The following METAP1 variants were observed in gnomAD, a reference collection of about 807,000 sequenced individuals.
METAP1 encodes methionyl aminopeptidase 1.
Under a neutral mutation model 53.8 loss-of-function variants are expected in METAP1, and 28 were observed. That is an observed-to-expected ratio of 0.52 (90% confidence interval 0.39 to 0.71). The LOEUF is 0.71. Among genes scored for constraint, METAP1 ranks in the 30% least tolerant of loss-of-function variants. The pLI is 0.00. For synonymous variants in METAP1, 181 were observed against 165.7 expected (o/e 1.09, Z -0.71); for missense variants, 389 against 479.8 (o/e 0.81, Z 1.77).
intron 1 of METAP1, among the ~76,000 whole-genome samples, chr4:99,001,280 G>A (rs1177896850): frequency 6.6e-6 from 1 of 152,178 alleles, no homozygotes; most frequent in African/African-American, 2.4e-5. Flanking sequence ...AGGTACAAAT[G>A]CCATAGCTTC....
intron 1 of METAP1, among the ~76,000 whole-genome samples, chr4:99,024,749 G>T (rs1724432524): frequency 6.6e-6 from 1 of 152,216 alleles, no homozygotes; most frequent in African/African-American, 2.4e-5. Context: ...TGGCTAATTT[G>T]TTAGTCCCAC....
intron 1 of METAP1, among the ~76,000 whole-genome samples, chr4:98,999,352 G>T (rs986125809): frequency 6.6e-6 from 1 of 151,470 alleles, no homozygotes; most frequent in African/African-American, 2.4e-5. Context: ...TTTAAAATGG[G>T]GCTATTAATA....
At chr4:99,004,571 T>A (rs1377703261) in intron 1 of METAP1, among the ~76,000 whole-genome samples, 1 of 152,032 alleles carries the variant, frequency 6.6e-6, no homozygotes, top group East Asian at 1.9e-4. Flanking sequence ...TAAATGCCTA[T>A]ATACCTACCA....
chr4:99,022,435 T>G, intron 1 of METAP1: 1 of 636,516 alleles, frequency 1.6e-6, no homozygotes, highest in Non-Finnish European at 2.7e-6. Context: ...GTGAGCCCAT[T>G]CACACCCTAC....
chr4:99,041,841 A>G (rs979303159), intron 6 of METAP1, among the ~76,000 whole-genome samples: 1 of 150,820 alleles, frequency 6.6e-6, no homozygotes, highest in Non-Finnish European at 1.5e-5. Flanking sequence ...TTTTGGAAGG[A>G]TTTGACAATC....
chr4:99,007,787 T>C (rs1239733342), intron 1 of METAP1, among the ~76,000 whole-genome samples: 1 of 152,250 alleles, frequency 6.6e-6, no homozygotes, highest in African/African-American at 2.4e-5. Context: ...TTCTATATCC[T>C]TTTGAGTCTC....
intron 1 of METAP1, chr4:99,022,295 G>A: frequency 1.5e-6 from 1 of 665,254 alleles, no homozygotes; most frequent in Non-Finnish European, 2.2e-6. Context: ...GGAGATGGAA[G>A]GGGCCTCCCT....
chr4:99,029,955 G>T, intron 2 of METAP1, among the ~76,000 whole-genome samples: 1 of 152,166 alleles, frequency 6.6e-6, no homozygotes, highest in East Asian at 1.9e-4. Context: ...GAAAAATGAT[G>T]TGACTCAGTG....
intron 2 of METAP1, among the ~76,000 whole-genome samples, chr4:99,032,159 C>T (rs1451575824): frequency 6.6e-6 from 1 of 151,546 alleles, no homozygotes; most frequent in East Asian, 1.9e-4. Flanking sequence ...CCATATTCAA[C>T]TTTAGTTGTC....
In METAP1 at chr4:99,028,199, A is replaced by G. The variant is rs572872765; in HGVS notation, c.115-668A>G. On this transcript the variant is annotated intron_variant, in intron 1 of 10. Transcript: ENST00000296411. ...TACTTGAGTTCCTTACTTGAATTCA[A>G]TTAATTACTTGAATTCATTTTCCCA... 2.8e-4 allele frequency among the ~76,000 whole-genome samples: 43 copies of G among 152,282 alleles called. No homozygotes were observed. In the South Asian group the frequency reaches 5.2e-3, roughly 18 times the overall value.
chr4:99,057,936 C>T, intron 10 of METAP1, 118 bp downstream of exon 10: 1 of 788,720 alleles, frequency 1.3e-6, no homozygotes, highest in South Asian at 1.8e-5. Context: ...ACTCCCTGTC[C>T]CACCTCAAAC....
intron 1 of METAP1, chr4:99,023,344 A>G (rs1338341330): frequency 1.2e-6 from 1 of 826,380 alleles, no homozygotes; most frequent in Admixed American, 5.2e-5. Context: ...TTTGGAATTG[A>G]GCTACTGGGT....
At chr4:99,008,077 T>C (rs1723267440) in intron 1 of METAP1, among the ~76,000 whole-genome samples, 1 of 152,176 alleles carries the variant, frequency 6.6e-6, no homozygotes, top group Admixed American at 6.5e-5. Context: ...GCACACTAAG[T>C]AGCTGAACAA....
chr4:99,008,203 G>A (rs1300309781), intron 1 of METAP1, among the ~76,000 whole-genome samples: 2 of 152,156 alleles, frequency 1.3e-5, no homozygotes, highest in African/African-American at 4.8e-5. Context: ...TATATATTAA[G>A]GTGAAGGAGA....
At chr4:99,053,106 T>C (rs1726832633) in intron 9 of METAP1, among the ~76,000 whole-genome samples, 3 of 152,234 alleles carry the variant, frequency 2.0e-5, no homozygotes, top group Admixed American at 1.3e-4. Flanking sequence ...TGCAGTTACT[T>C]GCTCCACTAA....
chr4:99,039,600 T>TA (rs1187817590), intron 5 of METAP1, 135 bp downstream of exon 5: 2 of 506,304 alleles, frequency 4.0e-6, no homozygotes, highest in Non-Finnish European at 6.8e-6. Flanking sequence ...TTTTTTTTTT[T>TA]AACTTTTTTT....
At chr4:99,050,104 T>C (rs1269445682) in intron 9 of METAP1, among the ~76,000 whole-genome samples, 3 of 152,138 alleles carry the variant, frequency 2.0e-5, no homozygotes, top group Non-Finnish European at 4.4e-5. Context: ...AGAAATTTGG[T>C]GCAGGGGGCG....
chr4:99,012,652 GTTTT>G lies in METAP1; in HGVS notation c.115-16192_115-16189del, dbSNP rs78437310. Among the ~76,000 whole-genome samples the G allele has an allele frequency of 1.0e-3, 94 of 90,384 alleles. 1 individual carries two copies. The highest frequency in any genetic ancestry group is 3.1e-3 in the African/African-American group (85 of 26,988). The allele number at this position is 90,384 out of a possible 152,430, so 59.3% of individuals were successfully genotyped here. A position where few individuals can be genotyped will look rare whatever the true frequency, so the allele number is the denominator to read the frequency against. On this transcript the variant is annotated intron_variant, in intron 1 of 10. Coordinates refer to ENST00000296411, the MANE Select transcript of METAP1 (RefSeq NM_015143.3). ...AACATCTTTGGCTGTATCCCATAAAGTTTTTTTTTTTTTTTTTTTTTTTTTTAAA... is the reference window on the plus strand; with the variant it reads ...AACATCTTTGGCTGTATCCCATAAAGTTTTTTTTTTTTTTTTTTTTTTAAA...
intron 1 of METAP1, among the ~76,000 whole-genome samples, chr4:99,000,332 T>C (rs140580329): frequency 1.3e-5 from 2 of 152,288 alleles, no homozygotes; most frequent in African/African-American, 2.4e-5. Flanking sequence ...GTAGTAAGCA[T>C]AGTGTAAGTG....
Sources: allele counts gnomAD v4.1 joint callset (sites outside exome capture counted in the v4.1 genomes callset), GRCh38; gene constraint gnomAD v4.1.1; transcripts MANE v1.5; gene names NCBI Gene and HGNC (gene_info 2026-07-23, HGNC 2026-07-21).